MORF4L1: variants seen among roughly 807,000 people sequenced by gnomAD.
The protein encoded by MORF4L1 is mortality factor 4 like 1, also known as mortality factor 4-like protein 1.
MORF4L1 carries 4 observed loss-of-function variants against 52.9 expected under a neutral mutation model. The observed-to-expected ratio is 0.08, with a 90% CI of 0.04 to 0.17. The LOEUF is 0.17. Ranked by LOEUF, MORF4L1 falls within the 10% of genes least tolerant of loss-of-function variation. MORF4L1 has a pLI of 1.00. For synonymous variants in MORF4L1, 123 were observed against 134.8 expected, an observed-to-expected ratio of 0.91 and a Z score of 0.61; for missense variants, 214 against 390.4, an observed-to-expected ratio of 0.55 and a Z score of 3.81.
At chr15:78,894,985 C>T in intron 11 of MORF4L1, 81 bp downstream of exon 11, 1 of 1,112,858 alleles carries the variant, frequency 9.0e-7, no homozygotes, top group East Asian at 2.4e-5. Flanking sequence ...GATGCTAAAA[C>T]ATTAAACATT....
chr15:78,893,899 T>C (rs1166768619), intron 9 of MORF4L1, among the ~76,000 whole-genome samples, 159 bp from the exon 10 acceptor site: 2 of 152,236 alleles, frequency 1.3e-5, no homozygotes, highest in East Asian at 1.9e-4. Context: ...TCTTAATTGC[T>C]TTAGTTTGTC....
At chr15:78,876,163 C>T (rs1482567905) in intron 1 of MORF4L1, among the ~76,000 whole-genome samples, 1 of 151,934 alleles carries the variant, frequency 6.6e-6, no homozygotes, top group Non-Finnish European at 1.5e-5. Flanking sequence ...GTCTCGATCT[C>T]CTGACCTCGT....
intron 3 of MORF4L1, chr15:78,884,979 GC>G (rs1430581531): frequency 1.2e-6 from 2 of 1,613,838 alleles, no homozygotes; most frequent in Non-Finnish European, 1.7e-6. Flanking sequence ...GTGCTGTGAG[GC>G]CCAGGCGCTC....
chr15:78,893,378 T>TAGC (rs1407419316), intron 8 of MORF4L1, among the ~76,000 whole-genome samples, 161 bp from the exon 9 acceptor site: 1 of 152,250 alleles, frequency 6.6e-6, no homozygotes, highest in Admixed American at 6.5e-5. Context: ...GAACTGTCTG[T>TAGC]AGTTTCTCAG....
chr15:78,875,052 T>G (rs889542126), intron 1 of MORF4L1, among the ~76,000 whole-genome samples: 1 of 152,206 alleles, frequency 6.6e-6, no homozygotes, highest in Non-Finnish European at 1.5e-5. Context: ...AGGGTAGTTA[T>G]TGTATTAGCA....
At chr15:78,873,188 C>CG in intron 1 of MORF4L1, 131 bp downstream of exon 1, 1 of 1,519,080 alleles carries the variant, frequency 6.6e-7, no homozygotes, top group Non-Finnish European at 8.8e-7. Flanking sequence ...GTGCTTTGTG[C>CG]GGGGAAAGCG....
chr15:78,878,992 A>G (rs986678168), intron 2 of MORF4L1, among the ~76,000 whole-genome samples: 2 of 152,148 alleles, frequency 1.3e-5, no homozygotes, highest in African/African-American at 4.8e-5. Context: ...AATAGCCTTA[A>G]AGTGTCAGAC....
Position 78,893,545 on chromosome 15 carries a change from TA to T in MORF4L1, c.548del (p.Tyr183PhefsTer39). On this transcript the variant is annotated frameshift_variant, in exon 9 of 12. Coordinates refer to ENST00000426013, the MANE Select transcript of MORF4L1 (RefSeq NM_006791.4). LOFTEE classifies it high-confidence loss of function. Reference protein sequence around the residue: ...DLITRQKQLFYLPAKKNVDSI... With the variant: ...DLITRQKQLFXLPAKKNVDSI... ...CATATTTTTGTCTTCATAGCTCTTT[TA>T]TCTTCCTGCCAAGAAGAATGTGGAT... 1 of 1,603,454 alleles carries T rather than the reference TA, an allele frequency of 6.2e-7. No homozygotes were observed. Among genetic ancestry groups the T allele is most frequent in the Non-Finnish European group, 8.5e-7 (1 of 1,171,746 alleles).
Position 78,878,129 on chromosome 15 carries a change from A to G in MORF4L1, c.41-84A>G, listed in dbSNP as rs948295393. On this transcript the variant is annotated intron_variant, in intron 1 of 11. Transcript: ENST00000426013. ...TCCTAATTTGGCTAGGAATACCTTA[A>G]TAAAAGTGTGATGACTCTCTAAGAT... is the stretch of plus-strand genomic sequence containing the variant. 2.8e-6 allele frequency: 4 copies of G among 1,412,972 alleles called. No individual in the cohort carries two copies. The East Asian group carries it at 9.4e-5, about 33-fold the overall frequency. 87.5% of individuals were successfully genotyped at this position (1,412,972 alleles called of 1,614,324 possible).
chr15:78,879,230 GCC>G (rs1304942333), intron 2 of MORF4L1, among the ~76,000 whole-genome samples: 41 of 148,022 alleles, frequency 2.8e-4, no homozygotes, highest in East Asian at 2.2e-3. Context: ...TCCCCGCCCC[GCC>G]CCGCCCCCCA....
Position 78,878,253 on chromosome 15 carries a change from A to C in MORF4L1, c.81A>C (p.Glu27Asp), listed in dbSNP as rs1448560735. Residue 27 changes from glutamate (E) to aspartate (D), a missense_variant, in exon 2 of 12, where the codon GAA (glutamate) becomes GAC (aspartate). This residue lies in a region of MORF4L1 where 32 missense variants were observed against 51.1 expected (regional missense o/e 0.63). Transcript: ENST00000426013. ...VLCFHGPLLYEAKCVKVAIKD... is the reference protein window; with the variant it reads ...VLCFHGPLLYDAKCVKVAIKD... ...GCTTTCATGGGCCTCTTCTTTATGA[A>C]GCAAAGGTATGAAACTTGTTTTCTT... 6.2e-7 allele frequency: 1 copy of C among 1,611,576 alleles called. No homozygotes were observed. The highest frequency in any genetic ancestry group is 8.5e-7 in the Non-Finnish European group (1 of 1,179,470).
At chr15:78,884,666 C>A (rs746053650) in intron 3 of MORF4L1, among the ~76,000 whole-genome samples, 26 of 36,880 alleles carry the variant, frequency 7.0e-4, no homozygotes, top group East Asian at 2.6e-3. Context: ...AAAATACACA[C>A]ACACACACAC....
intron 5 of MORF4L1, among the ~76,000 whole-genome samples, chr15:78,889,695 CAA>C (rs1394890140): frequency 1.3e-5 from 2 of 151,962 alleles, no homozygotes; most frequent in Non-Finnish European, 2.9e-5. Flanking sequence ...AACTAACAGA[CAA>C]GAGAAAACCT....
chr15:78,886,815 C>T (rs1278755349), intron 4 of MORF4L1, among the ~76,000 whole-genome samples: 1 of 152,050 alleles, frequency 6.6e-6, no homozygotes, highest in Non-Finnish European at 1.5e-5. Context: ...ATTAGCCGGG[C>T]ATGGTGGCGG....
At chr15:78,879,630 T>C (rs2071309354) in intron 2 of MORF4L1, among the ~76,000 whole-genome samples, 1 of 152,180 alleles carries the variant, frequency 6.6e-6, no homozygotes, top group African/African-American at 2.4e-5. Flanking sequence ...ATATAATGTT[T>C]GTAAGTGCTA....
chr15:78,878,339 T>A, intron 2 of MORF4L1, 80 bp downstream of exon 2: 1 of 1,318,864 alleles, frequency 7.6e-7, no homozygotes, highest in Non-Finnish European at 1.1e-6. Flanking sequence ...GTACAGTATT[T>A]TGTTGTTGCC....
chr15:78,878,171 A>G (rs891415710), intron 1 of MORF4L1, 42 bp from the exon 2 acceptor site: 2 of 1,575,834 alleles, frequency 1.3e-6, no homozygotes, highest in Non-Finnish European at 8.6e-7. Flanking sequence ...CTTTTTATAT[A>G]TGAGAAGAAA....
At chr15:78,892,088 A>G (rs539478874) in intron 7 of MORF4L1, 124 bp from the exon 8 acceptor site, 2 of 572,404 alleles carry the variant, frequency 3.5e-6, no homozygotes, top group Non-Finnish European at 6.2e-6. Context: ...AAAAAATGAC[A>G]GTACAGCTGT....
intron 1 of MORF4L1, among the ~76,000 whole-genome samples, chr15:78,875,698 A>G (rs72749233): frequency 0.41 from 62,333 of 151,456 alleles, 14,886 homozygotes; most frequent in Non-Finnish European, 0.54. Flanking sequence ...GAGACAGGAA[A>G]TCGCTTGAAC....
Sources: gnomAD v4.1 joint callset for allele counts (sites outside exome capture counted in the v4.1 genomes callset) on GRCh38, gnomAD v4.1.1 for gene constraint, gnomAD v4.1.1 regional missense constraint, MANE v1.5 for transcripts, NCBI Gene and HGNC (gene_info 2026-07-23, HGNC 2026-07-21) for gene names.